Variants in C20orf96 observed in about 807,000 individuals in gnomAD.
C20orf96 encodes the protein uncharacterized protein C20orf96.
A neutral mutation model predicts 52.6 loss-of-function variants in C20orf96; 57 were observed. The observed-to-expected ratio is 1.08, with a 90% CI of 0.88 to 1.35. C20orf96 has a LOEUF of 1.35. Ranked by LOEUF, C20orf96 falls within the 40% of genes most tolerant of loss-of-function variation. C20orf96 has a pLI of 0.00. For synonymous variants in C20orf96, 168 were observed against 157.2 expected (o/e 1.07, Z -0.51); for missense variants, 478 against 443.6 (o/e 1.08, Z -0.70).
rs562163373 is a variant in C20orf96 at position 276,728 on chromosome 20, C to A, written c.912+65G>T. On this transcript the variant is annotated intron_variant, in intron 9 of 10. Coordinates refer to ENST00000360321, the MANE Select transcript of C20orf96 (RefSeq NM_153269.3). Reference sequence around the variant, plus strand: ...TCAGGAGAAGCCTGACTCATTCCCACAGGCCGTGGGGACTGCCCATCCACT... The same window carrying A: ...TCAGGAGAAGCCTGACTCATTCCCAAAGGCCGTGGGGACTGCCCATCCACT... The A allele has an allele frequency of 9.8e-4, 1,541 of 1,574,204 alleles. 28 individuals are homozygous for A. In the South Asian group the frequency reaches 0.016, roughly 16 times the overall value.
chr20:284,087 G>A lies in C20orf96; in HGVS notation c.188-6C>T, dbSNP rs766975991. 1.2e-6 allele frequency: 2 copies of A among 1,610,558 alleles called. No homozygotes were observed. The highest frequency in any genetic ancestry group is 1.7e-6 in the Non-Finnish European group (2 of 1,176,796). Reference sequence around the variant, plus strand: ...AGTGGGCTTGAAGTGAAACACTAGGGGTAGACAGGAAAGGACAGGGAGAGA... The same window carrying A: ...AGTGGGCTTGAAGTGAAACACTAGGAGTAGACAGGAAAGGACAGGGAGAGA... On this transcript the variant is annotated splice_polypyrimidine_tract_variant and splice_region_variant and intron_variant, in intron 3 of 10. Transcript: ENST00000360321.
In C20orf96 at chr20:276,073, A is replaced by G; in HGVS notation, c.926T>C (p.Phe309Ser). Residue 309 changes from phenylalanine (F) to serine (S), a missense_variant, in exon 10 of 11, where the codon TTT becomes TCT. Physicochemically the swap from Phe to Ser is radical, Grantham distance 155. Coordinates refer to ENST00000360321, the MANE Select transcript of C20orf96 (RefSeq NM_153269.3). The stretch of plus-strand genomic sequence containing the variant: ...CCTTAATACAGGCATGTTCTCCTCA[A>G]ACTGGTCAATAATCTGAGAGGAAAG... The part of the protein sequence containing the change: ...MQRFREIIDQ[F>S]EENMPVLRAE... The G allele has an allele frequency of 6.2e-7, 1 of 1,614,120 alleles. No individual in the cohort carries two copies. Among genetic ancestry groups the G allele is most frequent in the East Asian group, 2.2e-5 (1 of 44,884 alleles).
rs749638303 is a variant in C20orf96, at chr20:290,315, G to T, written c.21-8C>A. 4.3e-6 allele frequency: 7 copies of T among 1,612,666 alleles called. No individual in the cohort carries two copies. The South Asian group carries it at 5.5e-5, about 13-fold the overall frequency. On this transcript the variant is annotated splice_polypyrimidine_tract_variant and splice_region_variant and intron_variant, in intron 1 of 10. Transcript: ENST00000360321. ...GTCCCAGAGTGCTTGGGTCTGGAAA[G>T]AGTTGGGAAGGGAAAGAACTTCCAT...
Position 279,196 on chromosome 20 carries a change from C to G in C20orf96, c.441G>C (p.Leu147=). 2 of 1,603,190 alleles carry G rather than the reference C, an allele frequency of 1.2e-6. No homozygotes were observed. The highest frequency in any genetic ancestry group is 8.5e-7 in the Non-Finnish European group (1 of 1,177,024). Residue 147 remains leucine, a synonymous_variant, in exon 5 of 11, where the codon CTG becomes CTC. Transcript: ENST00000360321. ...CCGCCAGGGTGTCCTGCTGCTGCAG[C>G]AGGGCCCGCACGTGCAGGGTCGTGC... is the stretch of plus-strand genomic sequence containing the variant. The part of the protein sequence containing the change: ...ENSTTLHVRA[L]LQQQDTLATI...
At chr20:274,732 T>A (rs1458446996) in intron 10 of C20orf96, among the ~76,000 whole-genome samples, 1 of 152,174 alleles carries the variant, frequency 6.6e-6, no homozygotes, top group Admixed American at 6.5e-5. Flanking sequence ...CAAGCCTCAG[T>A]TCAAATGTCA....
chr20:290,261 G>A lies in C20orf96; in HGVS notation c.67C>T (p.Pro23Ser). The change falls in exon 2 of 11, where the codon CCG (proline) becomes TCG (serine). Residue 23 changes from proline (P) to serine (S), a missense_variant and splice_region_variant. By Grantham distance (74) the Pro-to-Ser change is moderately conservative. Coordinates refer to ENST00000360321, the MANE Select transcript of C20orf96 (RefSeq NM_153269.3). ...THSIVQEFQVPDYVPWQQSKQ... is the reference protein window; with the variant it reads ...THSIVQEFQVSDYVPWQQSKQ... ...AGCCCTAGTCCCCCAAGACTCACCG[G>A]AACCTGGAACTCCTGGACTATGGAG... 1 of 1,611,960 alleles carries A rather than the reference G, an allele frequency of 6.2e-7. No individual in the cohort carries two copies. The highest frequency in any genetic ancestry group is 1.1e-5 in the South Asian group (1 of 90,508).
In C20orf96 at chr20:278,375, A is replaced by G; in HGVS notation, c.520T>C (p.Ser174Pro). The G allele has an allele frequency of 6.2e-7, 1 of 1,614,000 alleles. No individual in the cohort carries two copies. The highest frequency in any genetic ancestry group is 1.1e-5 in the South Asian group (1 of 91,074). ...TTTTCTTCCCACTCCTGAAGCTCAGATTTCAATTGCTGCAGCCTCTTCTTG... is the reference window on the plus strand; with the variant it reads ...TTTTCTTCCCACTCCTGAAGCTCAGGTTTCAATTGCTGCAGCCTCTTCTTG... ...SNKKRLQQLK[S>P]ELQEWEEKKK... Residue 174 changes from serine (S) to proline (P), a missense_variant, in exon 6 of 11, where the codon TCT (serine) becomes CCT (proline). Ser to Pro is a moderately conservative substitution (Grantham distance 74). Transcript: ENST00000360321.
chr20:276,320 C>T, intron 9 of C20orf96: 1 of 985,378 alleles, frequency 1.0e-6, no homozygotes, highest in Non-Finnish European at 1.2e-6. Flanking sequence ...AGAATGGAGA[C>T]AGGTTACAAA....
chr20:289,006 C>G (rs961101998), intron 3 of C20orf96, among the ~76,000 whole-genome samples: 2 of 152,124 alleles, frequency 1.3e-5, no homozygotes, highest in African/African-American at 4.8e-5. Context: ...GGCCTCGGAA[C>G]TCCCCTGTAA....
chr20:271,925 A>G (rs550141850), intron 10 of C20orf96, among the ~76,000 whole-genome samples: 2 of 152,240 alleles, frequency 1.3e-5, no homozygotes, highest in Non-Finnish European at 2.9e-5. Flanking sequence ...AGGGACCAGC[A>G]CAAATATTTA....
In C20orf96 at chr20:271,057, G is replaced by A; in HGVS notation, c.*150C>T. 1 of 609,912 alleles carries A rather than the reference G, an allele frequency of 1.6e-6. No homozygotes were observed. The allele number at this position is 609,912 out of a possible 1,614,324, so 37.8% of individuals were successfully genotyped here. ...AAGGGGGGAAGAAGGGAGGGAGGGA[G>A]GGAGGGAAAGAAAGAGGGAGGAAGG... On this transcript the variant is annotated 3_prime_UTR_variant, in exon 11 of 11. Coordinates refer to ENST00000360321, the MANE Select transcript of C20orf96 (RefSeq NM_153269.3).
intron 4 of C20orf96, 50 bp from the exon 5 acceptor site, chr20:279,380 T>C (rs1397505450): frequency 6.4e-7 from 1 of 1,565,612 alleles, no homozygotes; most frequent in Non-Finnish European, 8.6e-7. Flanking sequence ...CTGCCCGGCC[T>C]GAGCCCCCGA....
At chr20:288,128 C>G (rs549916908) in intron 3 of C20orf96, among the ~76,000 whole-genome samples, 113 of 126,158 alleles carry the variant, frequency 9.0e-4, no homozygotes, top group Middle Eastern at 8.5e-3. Flanking sequence ...TATCTTTGAG[C>G]TAATTTTTAT....
At chr20:275,513 A>G (rs2011990134) in intron 10 of C20orf96, among the ~76,000 whole-genome samples, 1 of 152,210 alleles carries the variant, frequency 6.6e-6, no homozygotes, top group Non-Finnish European at 1.5e-5. Context: ...CCAACCGCAG[A>G]GGGCTTGCCC....
chr20:275,322 CG>C (rs1568489499), intron 10 of C20orf96, among the ~76,000 whole-genome samples: 2 of 146,850 alleles, frequency 1.4e-5, no homozygotes, highest in Non-Finnish European at 1.5e-5. Flanking sequence ...GTTTTGGGGG[CG>C]GGGGGCGGTT....
Position 284,101 on chromosome 20 carries a change from G to A in C20orf96, c.188-20C>T. The A allele has an allele frequency of 6.3e-7, 1 of 1,598,742 alleles. No homozygotes were observed. The highest frequency in any genetic ancestry group is 8.6e-7 in the Non-Finnish European group (1 of 1,166,090). ...GAAACACTAGGGGTAGACAGGAAAG[G>A]ACAGGGAGAGAGTGAGGGTCCCGGA... On this transcript the variant is annotated intron_variant, in intron 3 of 10. Coordinates refer to ENST00000360321, the MANE Select transcript of C20orf96 (RefSeq NM_153269.3).
chr20:282,396 T>A (rs1436709311), intron 4 of C20orf96, among the ~76,000 whole-genome samples: 1 of 152,186 alleles, frequency 6.6e-6, no homozygotes, highest in East Asian at 1.9e-4. Context: ...ATACTCAGAA[T>A]AGAACCTGGC....
rs768398625 is a variant in C20orf96 at position 277,308 on chromosome 20, T to G, written c.641A>C (p.Tyr214Ser). 1.2e-6 allele frequency: 2 copies of G among 1,614,170 alleles called. No individual in the cohort carries two copies. Among genetic ancestry groups the G allele is most frequent in the Non-Finnish European group, 1.7e-6 (2 of 1,180,018 alleles). ...TQEEVNFLST[Y>S]MDHEYSIKSV... ...CTTGATGGAATACTCATGGTCCATG[T>G]AAGTGCTCAGGAAGTTCACTTCCTC... The change falls in exon 7 of 11, where the codon TAC becomes TCC. Residue 214 changes from tyrosine to serine, a missense_variant. Physicochemically the swap from Tyr to Ser is moderately radical, Grantham distance 144 (BLOSUM62 -2). Coordinates refer to ENST00000360321, the MANE Select transcript of C20orf96 (RefSeq NM_153269.3).
chr20:278,510 C>A (rs1049598355), intron 5 of C20orf96, 81 bp from the exon 6 acceptor site: 1 of 1,023,216 alleles, frequency 9.8e-7, no homozygotes, highest in East Asian at 2.4e-5. Flanking sequence ...TCAGAGGAGT[C>A]CCCAGTCCCA....
Sources: allele counts gnomAD v4.1 joint callset (sites outside exome capture counted in the v4.1 genomes callset), GRCh38; gene constraint gnomAD v4.1.1; transcripts MANE v1.5; gene names NCBI Gene and HGNC (gene_info 2026-07-23, HGNC 2026-07-21).